Variants in PTPRR observed in about 807,000 individuals in gnomAD.
PTPRR encodes the protein protein tyrosine phosphatase receptor type R.
Under a neutral mutation model 77.2 loss-of-function variants are expected in PTPRR, and 38 were observed. The observed-to-expected ratio is 0.49, with a 90% CI of 0.38 to 0.65. The LOEUF (loss-of-function observed/expected upper bound fraction) is 0.65, where lower values mean the gene tolerates loss of function less well. Among genes scored for constraint, PTPRR ranks in the 30% least tolerant of loss-of-function variants. The pLI is 0.00. For synonymous variants in PTPRR, 299 were observed against 283.1 expected (o/e 1.06, Z -0.57); for missense variants, 744 against 799.2 (o/e 0.93, Z 0.83).
intron 2 of PTPRR, among the ~76,000 whole-genome samples, chr12:70,869,563 G>A (rs1892925071): frequency 6.6e-6 from 1 of 152,198 alleles, no homozygotes; most frequent in Admixed American, 6.5e-5. Context: ...TGTGGTAAAA[G>A]GGACTTTGTC....
intron 2 of PTPRR, among the ~76,000 whole-genome samples, chr12:70,848,838 T>C (rs1892527755): frequency 6.6e-6 from 1 of 152,194 alleles, no homozygotes; most frequent in Non-Finnish European, 1.5e-5. Flanking sequence ...GGAAAATAAC[T>C]TCTAATGATA....
At chr12:70,832,570 G>T (rs1892233051) in intron 2 of PTPRR, among the ~76,000 whole-genome samples, 2 of 152,086 alleles carry the variant, frequency 1.3e-5, no homozygotes, top group Non-Finnish European at 2.9e-5. Context: ...ACTTGCAGGT[G>T]ACATGGTTAG....
chr12:70,852,296 C>T (rs1221764053), intron 2 of PTPRR, among the ~76,000 whole-genome samples: 3 of 151,906 alleles, frequency 2.0e-5, no homozygotes, highest in Non-Finnish European at 4.4e-5. Flanking sequence ...AATTAAACAC[C>T]AATGTCAACT....
At chr12:70,706,035 GAA>G (rs5798999) in intron 6 of PTPRR, among the ~76,000 whole-genome samples, 11,417 of 147,772 alleles carry the variant, frequency 0.077, 505 homozygotes, top group South Asian at 0.12. Context: ...AATGAAAAAG[GAA>G]AAAAAAAACA....
At chr12:70,775,871 AG>A (rs1410456628) in intron 2 of PTPRR, among the ~76,000 whole-genome samples, 1 of 152,166 alleles carries the variant, frequency 6.6e-6, no homozygotes, top group African/African-American at 2.4e-5. Context: ...TAAAAGCAAA[AG>A]GTTCTCTGTT....
At chr12:70,685,268 G>C (rs1887819486) in intron 8 of PTPRR, among the ~76,000 whole-genome samples, 1 of 152,088 alleles carries the variant, frequency 6.6e-6, no homozygotes. Flanking sequence ...CGAGATGGAT[G>C]AGATTAATAA....
chr12:70,656,116 G>T (rs1224815597), intron 13 of PTPRR, among the ~76,000 whole-genome samples: 4 of 152,112 alleles, frequency 2.6e-5, no homozygotes, highest in Non-Finnish European at 5.9e-5. Flanking sequence ...TACTTGGGGG[G>T]ATGAGGTAGG....
intron 13 of PTPRR, among the ~76,000 whole-genome samples, chr12:70,641,724 T>C (rs1432948812): frequency 6.6e-6 from 1 of 152,226 alleles, no homozygotes; most frequent in East Asian, 1.9e-4. Flanking sequence ...TATAGCTTTT[T>C]TAGAAATCTT....
intron 2 of PTPRR, among the ~76,000 whole-genome samples, chr12:70,818,250 A>G (rs1340370711): frequency 6.6e-6 from 1 of 151,924 alleles, no homozygotes; most frequent in South Asian, 2.1e-4. Context: ...AAAAAAAAAA[A>G]AAAAGAAAAT....
intron 1 of PTPRR, among the ~76,000 whole-genome samples, chr12:70,917,321 T>C (rs1232304853): frequency 1.3e-5 from 2 of 152,194 alleles, no homozygotes; most frequent in Non-Finnish European, 2.9e-5. Flanking sequence ...GCCTCACCTA[T>C]TGTAGAACCA....
intron 2 of PTPRR, among the ~76,000 whole-genome samples, chr12:70,849,701 T>C (rs1356679468): frequency 6.6e-6 from 1 of 152,246 alleles, no homozygotes; most frequent in Non-Finnish European, 1.5e-5. Context: ...CAAAAATTAT[T>C]TGTGACCAAG....
At chr12:70,785,182 T>C (rs1419169498) in intron 2 of PTPRR, among the ~76,000 whole-genome samples, 1 of 152,168 alleles carries the variant, frequency 6.6e-6, no homozygotes, top group Non-Finnish European at 1.5e-5. Context: ...TTTAAGGACA[T>C]CTAATTAAAT....
chr12:70,752,838 C>T, intron 5 of PTPRR, among the ~76,000 whole-genome samples: 1 of 152,128 alleles, frequency 6.6e-6, no homozygotes, highest in African/African-American at 2.4e-5. Context: ...TATTAAAATG[C>T]AATTAACCAT....
At chr12:70,899,626 G>T (rs887233630) in intron 1 of PTPRR, among the ~76,000 whole-genome samples, 4 of 151,432 alleles carry the variant, frequency 2.6e-5, no homozygotes. Flanking sequence ...GCTTAATAGT[G>T]AAAAACTGAA....
intron 2 of PTPRR, among the ~76,000 whole-genome samples, chr12:70,857,366 G>A (rs781011274): frequency 2.6e-5 from 4 of 152,148 alleles, no homozygotes; most frequent in Non-Finnish European, 5.9e-5. Context: ...TGTCAATTAG[G>A]TCATGGGGAC....
rs997902562 is a variant in PTPRR at position 70,656,688 on chromosome 12, C to T, written c.1880+16G>A. 1.6e-5 allele frequency: 25 copies of T among 1,568,092 alleles called. No homozygotes were observed. The highest frequency in any genetic ancestry group is 7.9e-6 in the Non-Finnish European group (9 of 1,138,472). On this transcript the variant is annotated intron_variant, in intron 13 of 13. Coordinates refer to ENST00000283228, the MANE Select transcript of PTPRR (RefSeq NM_002849.4). ...ATGAAAACAGTGCTCTGAAGGCAAG[C>T]CTCTGTGACACTCACCTATCCATAC...
rs765990133 is a variant in PTPRR at position 70,701,190 on chromosome 12, A to C, written c.1141T>G (p.Ser381Ala). 9.3e-6 allele frequency: 15 copies of C among 1,613,904 alleles called. No individual in the cohort carries two copies. The highest frequency in any genetic ancestry group is 1.3e-5 in the Non-Finnish European group (15 of 1,179,928). ...CTTGCCACGACGTCCCTCAGCTGAG[A>C]CCTTGTGAGAATTCGGCTGGCTGAC... is the stretch of plus-strand genomic sequence containing the variant. ...LQSASRILTR[S>A]QLRDVVASSH... The change falls in exon 7 of 14, where the codon TCT (serine) becomes GCT (alanine). Residue 381 changes from serine to alanine, a missense_variant. Coordinates refer to ENST00000283228, the MANE Select transcript of PTPRR (RefSeq NM_002849.4).
At chr12:70,802,609 C>T (rs963358953) in intron 2 of PTPRR, among the ~76,000 whole-genome samples, 2 of 152,152 alleles carry the variant, frequency 1.3e-5, no homozygotes, top group African/African-American at 4.8e-5. Context: ...TGTCTTATCT[C>T]TCTAAATTTA....
chr12:70,797,760 T>C (rs985964590), intron 2 of PTPRR, among the ~76,000 whole-genome samples: 2 of 152,200 alleles, frequency 1.3e-5, no homozygotes, highest in African/African-American at 4.8e-5. Flanking sequence ...GCATCATATA[T>C]TCCTGGGTTT....
Sources: allele counts gnomAD v4.1 joint callset (sites outside exome capture counted in the v4.1 genomes callset), GRCh38; gene constraint gnomAD v4.1.1; transcripts MANE v1.5; gene names NCBI Gene and HGNC (gene_info 2026-07-23, HGNC 2026-07-21).